Variants in LYPLA1 observed in about 807,000 individuals in gnomAD.
The protein encoded by LYPLA1 is lysophospholipase 1.
A neutral mutation model predicts 34.0 loss-of-function variants in LYPLA1; 17 were observed. That is an observed-to-expected ratio of 0.50 (90% CI 0.34 to 0.75). LYPLA1 has a LOEUF of 0.75. LYPLA1 is among the 30% of genes least tolerant of loss of function. The pLI is 0.01. For missense variants in LYPLA1, 203 were observed against 288.8 expected (o/e 0.70, Z 2.15); for synonymous variants, 98 against 100.8 (o/e 0.97, Z 0.17).
At chr8:54,077,113 G>C (rs563851906) in intron 2 of LYPLA1, among the ~76,000 whole-genome samples, 1 of 151,984 alleles carries the variant, frequency 6.6e-6, no homozygotes, top group Non-Finnish European at 1.5e-5. Context: ...CGGCAAACGG[G>C]ATAAAGAAAA....
At chr8:54,085,267 C>A (rs546935585) in intron 2 of LYPLA1, among the ~76,000 whole-genome samples, 3 of 152,144 alleles carry the variant, frequency 2.0e-5, no homozygotes, top group Non-Finnish European at 4.4e-5. Context: ...GGATTGCAGA[C>A]GGAGTCTCGC....
At chr8:54,094,166 T>C (rs552151943) in intron 2 of LYPLA1, among the ~76,000 whole-genome samples, 33 of 152,334 alleles carry the variant, frequency 2.2e-4, no homozygotes, top group African/African-American at 7.5e-4. Flanking sequence ...TATAATCTCC[T>C]TGGTCTAGGA....
chr8:54,089,689 T>G (rs1229359130), intron 2 of LYPLA1, among the ~76,000 whole-genome samples: 3 of 151,780 alleles, frequency 2.0e-5, no homozygotes, highest in South Asian at 2.1e-4. Context: ...AGTGGCATCA[T>G]CTCAGCTCAC....
rs760216276 is a variant in LYPLA1, at chr8:54,085,753, G to A, written c.101+15155C>T. Among the ~76,000 whole-genome samples the A allele has an allele frequency of 6.0e-5, 8 of 133,268 alleles. No homozygotes were observed. In the East Asian group the frequency reaches 9.4e-4, roughly 16 times the overall value. 87.4% of individuals were successfully genotyped at this position (133,268 alleles called of 152,430 possible). A position where few individuals can be genotyped will look rare whatever the true frequency, so the allele number is the denominator to read the frequency against. On this transcript the variant is annotated intron_variant, in intron 2 of 8. Coordinates refer to ENST00000316963, the MANE Select transcript of LYPLA1 (RefSeq NM_006330.4). ...GCCCCTCCGCCCGGCCAGCCGCCCC[G>A]TCAGTTAGGTGGGGGGGCAGCCCCC... is the stretch of plus-strand genomic sequence containing the variant.
chr8:54,054,859 CAT>C (rs887317649), intron 6 of LYPLA1, 199 bp downstream of exon 6: 38 of 473,440 alleles, frequency 8.0e-5, no homozygotes, highest in African/African-American at 6.5e-4. Context: ...AATTTAATTA[CAT>C]GTGTACATGT....
chr8:54,065,329 G>A (rs867543405), intron 3 of LYPLA1, among the ~76,000 whole-genome samples: 49 of 152,096 alleles, frequency 3.2e-4, no homozygotes, highest in African/African-American at 1.0e-3. Context: ...GTGGTGGCAC[G>A]TACCTGTAAT....
intron 2 of LYPLA1, among the ~76,000 whole-genome samples, chr8:54,083,865 C>T (rs1227331750): frequency 6.6e-5 from 10 of 152,074 alleles, no homozygotes; most frequent in African/African-American, 1.7e-4. Context: ...AGGCCGGGCA[C>T]GGTGGCTCAC....
intron 2 of LYPLA1, among the ~76,000 whole-genome samples, chr8:54,097,005 C>CA (rs1176602631): frequency 1.2e-4 from 18 of 149,684 alleles, no homozygotes; most frequent in East Asian, 3.9e-4. Flanking sequence ...AATGGAATGA[C>CA]AAAAAAAAAG....
chr8:54,053,441 T>C, intron 6 of LYPLA1: 1 of 346,340 alleles, frequency 2.9e-6, no homozygotes, highest in Non-Finnish European at 5.7e-6. Context: ...TAATAATAAC[T>C]ATTTAGCAGA....
intron 5 of LYPLA1, among the ~76,000 whole-genome samples, chr8:54,058,371 C>T (rs1806354270): frequency 6.6e-6 from 1 of 152,150 alleles, no homozygotes; most frequent in Admixed American, 6.6e-5. Context: ...TGGTGAAACA[C>T]CGTCTGTACT....
rs1805815705 is a variant in LYPLA1, at chr8:54,051,175, C to A, written c.476G>T (p.Gly159Val). Residue 159 changes from glycine (G) to valine (V), a missense_variant, in exon 8 of 9, where the codon GGT becomes GTT. By Grantham distance (109) the Gly-to-Val change is moderately radical. Transcript: ENST00000316963. The part of the protein sequence containing the change: ...RASFPQGPIG[G>V]ANRDISILQC... ...GAGAATAGAAATATCTCTATTAGCACCACCGATAGGACCCTGCAAAAAGCA... is the reference window on the plus strand; with the variant it reads ...GAGAATAGAAATATCTCTATTAGCAACACCGATAGGACCCTGCAAAAAGCA... 7 of 1,611,722 alleles carry A rather than the reference C, an allele frequency of 4.3e-6. No individual in the cohort carries two copies. In the South Asian group the frequency reaches 7.7e-5, roughly 18 times the overall value.
intron 2 of LYPLA1, among the ~76,000 whole-genome samples, chr8:54,077,144 A>C (rs1349472718): frequency 6.6e-6 from 1 of 152,154 alleles, no homozygotes; most frequent in African/African-American, 2.4e-5. Flanking sequence ...ATACACCATG[A>C]ATTGTTATGC....
chr8:54,074,157 C>T (rs1347053422), intron 2 of LYPLA1, among the ~76,000 whole-genome samples: 2 of 152,118 alleles, frequency 1.3e-5, no homozygotes, highest in Admixed American at 1.3e-4. Flanking sequence ...GCCTGTAGTC[C>T]CAGCTACTTG....
At chr8:54,069,529 C>A (rs1285955500) in intron 2 of LYPLA1, among the ~76,000 whole-genome samples, 1 of 152,088 alleles carries the variant, frequency 6.6e-6, no homozygotes, top group Non-Finnish European at 1.5e-5. Flanking sequence ...GCTTGGCCAA[C>A]ATGGTGAAAC....
intron 5 of LYPLA1, among the ~76,000 whole-genome samples, chr8:54,060,089 A>G (rs1586092577): frequency 6.6e-6 from 1 of 152,078 alleles, no homozygotes; most frequent in Non-Finnish European, 1.5e-5. Flanking sequence ...ACACATATGT[A>G]AAAGAAAAGC....
At chr8:54,050,863 G>T in intron 8 of LYPLA1, 149 bp downstream of exon 8, 2 of 720,060 alleles carry the variant, frequency 2.8e-6, no homozygotes, top group Non-Finnish European at 4.6e-6. Flanking sequence ...GAATTAAGTT[G>T]AATACACACT....
chr8:54,093,460 G>A (rs751416990), intron 2 of LYPLA1, among the ~76,000 whole-genome samples: 20 of 152,170 alleles, frequency 1.3e-4, no homozygotes, highest in Non-Finnish European at 1.8e-4. Context: ...TGAGGCCAAG[G>A]AAAGCCGGGA....
intron 2 of LYPLA1, among the ~76,000 whole-genome samples, chr8:54,085,534 A>T: frequency 6.6e-6 from 1 of 150,808 alleles, no homozygotes; most frequent in Non-Finnish European, 1.5e-5. Flanking sequence ...GGAAGTGAGG[A>T]GCGTCTCTGC....
chr8:54,100,406 G>A (rs1354860318), intron 2 of LYPLA1: 1 of 153,174 alleles, frequency 6.5e-6, no homozygotes, highest in Non-Finnish European at 1.5e-5. Context: ...AAAATAAGTA[G>A]TTAGTACAAC....
Sources: allele counts gnomAD v4.1 joint callset (sites outside exome capture counted in the v4.1 genomes callset), GRCh38; gene constraint gnomAD v4.1.1; transcripts MANE v1.5; gene names NCBI Gene and HGNC (gene_info 2026-07-23, HGNC 2026-07-21).